LRRC28: variants seen among roughly 807,000 people sequenced by gnomAD.
LRRC28 encodes the protein leucine-rich repeat-containing protein 28.
In LRRC28, 39 loss-of-function variants were observed where a neutral mutation model predicts 45.7. That is an observed-to-expected ratio of 0.85 (90% CI 0.66 to 1.12). The LOEUF (loss-of-function observed/expected upper bound fraction) is 1.12. Ranked by LOEUF, LRRC28 falls within the 50% of genes most tolerant of loss-of-function variation. The pLI, the probability that LRRC28 is intolerant of heterozygous loss-of-function variation, is 0.00. For missense variants in LRRC28, 435 were observed against 438.5 expected, an observed-to-expected ratio of 0.99 and a Z score of 0.07; for synonymous variants, 206 against 178.8, an observed-to-expected ratio of 1.15 and a Z score of -1.22.
intron 9 of LRRC28, among the ~76,000 whole-genome samples, chr15:99,374,737 T>A (rs62025361): frequency 6.6e-6 from 1 of 151,798 alleles, no homozygotes. Flanking sequence ...TGCAGTGGCA[T>A]GATCTCGGCT....
intron 6 of LRRC28, among the ~76,000 whole-genome samples, chr15:99,339,361 T>A (rs1006050324): frequency 6.6e-6 from 1 of 152,196 alleles, no homozygotes; most frequent in African/African-American, 2.4e-5. Flanking sequence ...CAGTAACTTC[T>A]GTAGTTTAAG....
intron 9 of LRRC28, among the ~76,000 whole-genome samples, chr15:99,382,186 G>A (rs1448859829): frequency 6.6e-6 from 1 of 152,184 alleles, no homozygotes; most frequent in Non-Finnish European, 1.5e-5. Context: ...CACCCAGTTC[G>A]AGCTTCCTGG....
chr15:99,319,635 G>T (rs528286783), intron 5 of LRRC28, among the ~76,000 whole-genome samples: 1 of 148,280 alleles, frequency 6.7e-6, no homozygotes, highest in Non-Finnish European at 1.5e-5. Flanking sequence ...CACAAAGCAC[G>T]AGGTAAAATG....
intron 7 of LRRC28, among the ~76,000 whole-genome samples, chr15:99,356,030 G>A (rs1298664017): frequency 1.3e-5 from 2 of 152,232 alleles, no homozygotes; most frequent in Non-Finnish European, 2.9e-5. Flanking sequence ...AAGTGTGATT[G>A]AAACTGTCAT....
rs1402863180 is a variant in LRRC28, at chr15:99,293,616, A to C, written c.385+5665A>C. Reference sequence around the variant, plus strand: ...CACAAAAAAAAAAAAAAAAAAAAAAAAAAAAAAAAAAAAAAAACCTAAACA... The same window carrying C: ...CACAAAAAAAAAAAAAAAAAAAAAACAAAAAAAAAAAAAAAAACCTAAACA... On this transcript the variant is annotated intron_variant, in intron 5 of 9. Transcript: ENST00000301981. Among the ~76,000 whole-genome samples, 21 of 143,732 alleles carry C rather than the reference A, an allele frequency of 1.5e-4. 1 individual carries two copies. Among genetic ancestry groups the C allele is most frequent in the East Asian group, 5.9e-4 (3 of 5,044 alleles). The allele number at this position is 143,732 out of a possible 152,430, so 94.3% of individuals were successfully genotyped here. A position where few individuals can be genotyped will look rare whatever the true frequency, so the allele number is the denominator to read the frequency against.
At chr15:99,341,764 A>C (rs1447588046) in intron 6 of LRRC28, among the ~76,000 whole-genome samples, 1 of 152,200 alleles carries the variant, frequency 6.6e-6, no homozygotes, top group Non-Finnish European at 1.5e-5. Flanking sequence ...CAGAATGTTT[A>C]CCAGGAGAGT....
Position 99,287,878 on chromosome 15 carries a change from C to T in LRRC28, c.312C>T (p.Cys104=). The T allele has an allele frequency of 6.2e-7, 1 of 1,613,658 alleles. No individual in the cohort carries two copies. Among genetic ancestry groups the T allele is most frequent in the Non-Finnish European group, 8.5e-7 (1 of 1,179,760 alleles). Residue 104 remains cysteine (C), a synonymous_variant, in exon 5 of 10, where the codon TGC becomes TGT. Coordinates refer to ENST00000301981, the MANE Select transcript of LRRC28 (RefSeq NM_144598.5). ...GTGACAATGCCTTAGAAATTGTTTG[C>T]CCAGAAATTGGTCGTCTGAGAGCTT... ...DLSDNALEIV[C]PEIGRLRALR... is the part of the protein sequence containing the mutation.
At chr15:99,258,584 G>C in intron 2 of LRRC28, 1 of 745,164 alleles carries the variant, frequency 1.3e-6, no homozygotes, top group South Asian at 1.4e-5. Flanking sequence ...AGAAACCAAA[G>C]ACTAAAAAAG....
chr15:99,258,997 G>A (rs1209642939), intron 2 of LRRC28: 2 of 773,378 alleles, frequency 2.6e-6, no homozygotes, highest in South Asian at 1.3e-5. Flanking sequence ...AGGTGATTAG[G>A]AAGAAACTTG....
chr15:99,266,326 A>G (rs2081331358), intron 2 of LRRC28, among the ~76,000 whole-genome samples: 3 of 152,208 alleles, frequency 2.0e-5, no homozygotes, highest in Admixed American at 6.5e-5. Context: ...AGAAGAAGTG[A>G]TAAAACACTA....
At chr15:99,374,019 A>G (rs1957555909) in intron 9 of LRRC28, among the ~76,000 whole-genome samples, 3 of 152,160 alleles carry the variant, frequency 2.0e-5, no homozygotes, top group Admixed American at 6.5e-5. Flanking sequence ...GTAGGCCTTA[A>G]TATCAGGTTG....
In LRRC28 at chr15:99,383,522, G is replaced by T. The variant is rs114317892; in HGVS notation, c.1032-2508G>T. Among the ~76,000 whole-genome samples the T allele has an allele frequency of 4.3e-3, 654 of 152,284 alleles. 10 individuals are homozygous for T. Among genetic ancestry groups the T allele is most frequent in the African/African-American group, 0.015 (608 of 41,540 alleles). On this transcript the variant is annotated intron_variant, in intron 9 of 9. Coordinates refer to ENST00000301981, the MANE Select transcript of LRRC28 (RefSeq NM_144598.5). ...TATATTTTCCCCCAAAATCCAGAGG[G>T]ATCCACCAAGTGTGTGTCTGTTTCT...
Position 99,330,303 on chromosome 15 carries a change from T to G in LRRC28, c.386-3620T>G, listed in dbSNP as rs181889006. On this transcript the variant is annotated intron_variant, in intron 5 of 9. Coordinates refer to ENST00000301981, the MANE Select transcript of LRRC28 (RefSeq NM_144598.5). ...TTTCTATATTCTTAGTGGTTTTCTG[T>G]TTAGTTGTTTTATTTTTATTGAGAG... 4.9e-3 allele frequency among the ~76,000 whole-genome samples: 740 copies of G among 152,260 alleles called. 1 individual carries two copies. The highest frequency in any genetic ancestry group is 7.5e-3 in the Non-Finnish European group (510 of 68,000).
intron 9 of LRRC28, among the ~76,000 whole-genome samples, chr15:99,368,282 A>G (rs1957394057): frequency 1.3e-5 from 2 of 152,270 alleles, no homozygotes; most frequent in African/African-American, 4.8e-5. Flanking sequence ...AACCTATGAA[A>G]CCAGATAACA....
At chr15:99,347,049 A>G (rs1050386772) in intron 6 of LRRC28, among the ~76,000 whole-genome samples, 3 of 152,244 alleles carry the variant, frequency 2.0e-5, no homozygotes, top group African/African-American at 4.8e-5. Flanking sequence ...AATTTATTTA[A>G]CAAAATTCTG....
chr15:99,315,743 AG>A (rs1387807121), intron 5 of LRRC28, among the ~76,000 whole-genome samples: 1 of 152,194 alleles, frequency 6.6e-6, no homozygotes, highest in Non-Finnish European at 1.5e-5. Context: ...CTATGATAAT[AG>A]TCATGATTAA....
rs960979936 is a variant in LRRC28, at chr15:99,276,238, G to T, written c.169-338G>T. On this transcript the variant is annotated intron_variant, in intron 2 of 9. Coordinates refer to ENST00000301981, the MANE Select transcript of LRRC28 (RefSeq NM_144598.5). Reference sequence around the variant, plus strand: ...TATGTATTACAATGTAATAATAATAGAAATAAAGTGCAAAATAAATGTAAT... The same window carrying T: ...TATGTATTACAATGTAATAATAATATAAATAAAGTGCAAAATAAATGTAAT... Among the ~76,000 whole-genome samples the T allele has an allele frequency of 4.6e-5, 7 of 152,070 alleles. No individual in the cohort carries two copies. The Middle Eastern group carries it at 0.01, about 222-fold the overall frequency.
intron 6 of LRRC28, among the ~76,000 whole-genome samples, chr15:99,335,248 A>G (rs1352335518): frequency 6.6e-6 from 1 of 152,188 alleles, no homozygotes; most frequent in Admixed American, 6.5e-5. Context: ...TTACAAATCT[A>G]GAGCTCCAGC....
intron 5 of LRRC28, among the ~76,000 whole-genome samples, chr15:99,292,383 A>T (rs1321111869): frequency 8.9e-6 from 1 of 112,890 alleles, no homozygotes. Context: ...TTTGAAACGG[A>T]GTCTCGCTCT....
Sources: allele counts gnomAD v4.1 joint callset (sites outside exome capture counted in the v4.1 genomes callset), GRCh38; gene constraint gnomAD v4.1.1; transcripts MANE v1.5; gene names NCBI Gene and HGNC (gene_info 2026-07-23, HGNC 2026-07-21).